Variants in CLCA4 observed in about 807,000 individuals in gnomAD.
The protein encoded by CLCA4 is chloride channel accessory 4.
Under a neutral mutation model 78.9 loss-of-function variants are expected in CLCA4, and 69 were observed. That is an observed-to-expected ratio of 0.87 (90% CI 0.72 to 1.07). The LOEUF (loss-of-function observed/expected upper bound fraction) is 1.07, where lower values mean the gene tolerates loss of function less well. Among genes scored for constraint, CLCA4 ranks in the 50% least tolerant of loss-of-function variants. The pLI, the probability that CLCA4 is intolerant of heterozygous loss-of-function variation, is 0.00. For missense variants in CLCA4, 1,133 were observed against 1,095.8 expected, an observed-to-expected ratio of 1.03 and a Z score of -0.48; for synonymous variants, 362 against 375.8, an observed-to-expected ratio of 0.96 and a Z score of 0.42.
intron 1 of CLCA4, chr1:86,552,850 A>G: frequency 1.3e-6 from 1 of 772,928 alleles, no homozygotes; most frequent in Non-Finnish European, 2.3e-6. Flanking sequence ...CGTTTCATAT[A>G]TATCTGATCG....
At chr1:86,569,670 T>C (rs1428065694) in intron 7 of CLCA4, among the ~76,000 whole-genome samples, 1 of 151,990 alleles carries the variant, frequency 6.6e-6, no homozygotes, top group African/African-American at 2.4e-5. Flanking sequence ...TTCAGTAAAC[T>C]GTAACACTAC....
Position 86,565,318 on chromosome 1 carries a change from A to T in CLCA4, c.602A>T (p.Gln201Leu), listed in dbSNP as rs1187386998. 4 of 1,609,460 alleles carry T rather than the reference A, an allele frequency of 2.5e-6. No individual in the cohort carries two copies. The change falls in exon 5 of 14, where the codon CAA (glutamine) becomes CTA (leucine). Residue 201 changes from glutamine to leucine, a missense_variant. Gln to Leu is a moderately radical substitution (Grantham distance 113). Coordinates refer to ENST00000370563, the MANE Select transcript of CLCA4 (RefSeq NM_012128.4). Reference protein sequence around the residue: ...ISGRNRVYKCQGGSCLSRACR... With the variant: ...ISGRNRVYKCLGGSCLSRACR... ...GGTAGAAATAGAGTTTATAAGTGTC[A>T]AGGAGGCAGCTGTCTTAGTAGAGCA... is the stretch of plus-strand genomic sequence containing the variant.
In CLCA4 at chr1:86,565,382, T is replaced by C; in HGVS notation, c.666T>C (p.Asp222=). Reference sequence around the variant, plus strand: ...CTACAACAAAACTGTATGGAAAAGATTGTCAATTCTTTCCTGATAAAGTAC... The same window carrying C: ...CTACAACAAAACTGTATGGAAAAGACTGTCAATTCTTTCCTGATAAAGTAC... The part of the protein sequence containing the change: ...IDSTTKLYGK[D]CQFFPDKVQT... The change falls in exon 5 of 14, where the codon GAT becomes GAC. Residue 222 remains aspartate, a synonymous_variant. Transcript: ENST00000370563. 6.2e-7 allele frequency: 1 copy of C among 1,608,898 alleles called. No homozygotes were observed. The highest frequency in any genetic ancestry group is 8.5e-7 in the Non-Finnish European group (1 of 1,176,096).
chr1:86,569,885 T>G (rs552690610), intron 7 of CLCA4, among the ~76,000 whole-genome samples: 1 of 152,090 alleles, frequency 6.6e-6, no homozygotes, highest in African/African-American at 2.4e-5. Flanking sequence ...TTGTAAATGC[T>G]TGGTAAATAA....
In CLCA4 at chr1:86,579,532, G is replaced by A; in HGVS notation, c.2301G>A (p.Glu767=). ...QITDLDATVH[E]DKIILTWTAP... Reference sequence around the variant, plus strand: ...CAGACCTTGATGCCACAGTTCATGAGGATAAGATTATTCTTACATGGACAG... The same window carrying A: ...CAGACCTTGATGCCACAGTTCATGAAGATAAGATTATTCTTACATGGACAG... Residue 767 remains glutamate (E), a synonymous_variant, in exon 13 of 14, where the codon GAG becomes GAA. Coordinates refer to ENST00000370563, the MANE Select transcript of CLCA4 (RefSeq NM_012128.4). 6.2e-7 allele frequency: 1 copy of A among 1,613,068 alleles called. No individual in the cohort carries two copies. The highest frequency in any genetic ancestry group is 8.5e-7 in the Non-Finnish European group (1 of 1,179,364).
chr1:86,548,975 T>C (rs1334920317), intron 1 of CLCA4, among the ~76,000 whole-genome samples: 1 of 152,188 alleles, frequency 6.6e-6, no homozygotes, highest in Non-Finnish European at 1.5e-5. Flanking sequence ...AAAGAATTCT[T>C]TGTTGAATGT....
At position 86,572,616 on chromosome 1, in the gene CLCA4, G is replaced by A; in HGVS notation, c.1363G>A (p.Gly455Arg). The change falls in exon 9 of 14, where the codon GGA (glycine) becomes AGA (arginine). Residue 455 changes from glycine (G) to arginine (R), a missense_variant and splice_region_variant. Transcript: ENST00000370563. ...AVIEMSKITG[G>R]SHFYVSDEAQ... ...TAATTAATGCATTTACATTTTAGGA[G>A]GAAGTCATTTTTATGTTTCAGATGA... The A allele has an allele frequency of 2.5e-6, 4 of 1,578,182 alleles. No individual in the cohort carries two copies. Among genetic ancestry groups the A allele is most frequent in the East Asian group, 4.5e-5 (2 of 44,580 alleles).
intron 11 of CLCA4, among the ~76,000 whole-genome samples, chr1:86,576,337 A>T (rs928990963): frequency 7.9e-5 from 12 of 151,506 alleles, no homozygotes; most frequent in Admixed American, 3.9e-4. Flanking sequence ...TAATCTTTAA[A>T]TTTTTTTTGT....
At chr1:86,567,303 A>G in intron 6 of CLCA4, 121 bp from the exon 7 acceptor site, 1 of 859,620 alleles carries the variant, frequency 1.2e-6, no homozygotes, top group Admixed American at 3.0e-5. Context: ...GCTTCCTTTA[A>G]CAACATCAAT....
Position 86,572,684 on chromosome 1 carries a change from A to G in CLCA4, c.1431A>G (p.Thr477=), listed in dbSNP as rs1281312794. 4 of 1,606,624 alleles carry G rather than the reference A, an allele frequency of 2.5e-6. No individual in the cohort carries two copies. Among genetic ancestry groups the G allele is most frequent in the Non-Finnish European group, 3.4e-6 (4 of 1,173,566 alleles). ...NGLIDAFGAL[T]SGNTDLSQKS... The stretch of plus-strand genomic sequence containing the variant: ...TCATTGATGCTTTTGGGGCTCTTAC[A>G]TCAGGAAATACTGATCTCTCCCAGA... The change falls in exon 9 of 14, where the codon ACA becomes ACG. Residue 477 remains threonine (T), a synonymous_variant. Transcript: ENST00000370563.
Position 86,574,725 on chromosome 1 carries a change from G to A in CLCA4, c.1653G>A (p.Met551Ile). Residue 551 changes from methionine (M) to isoleucine (I), a missense_variant, in exon 10 of 14, where the codon ATG (methionine) becomes ATA (isoleucine). By Grantham distance (10) the Met-to-Ile change is conservative (BLOSUM62 1). Coordinates refer to ENST00000370563, the MANE Select transcript of CLCA4 (RefSeq NM_012128.4). ...ENFTVDATSKMAYLSIPGTAK... is the reference protein window; with the variant it reads ...ENFTVDATSKIAYLSIPGTAK... The stretch of plus-strand genomic sequence containing the variant: ...TCACAGTGGATGCAACTTCCAAAAT[G>A]GCCTATCTCAGTATTCCAGGAACTG... 6.2e-7 allele frequency: 1 copy of A among 1,613,048 alleles called. No homozygotes were observed. The highest frequency in any genetic ancestry group is 8.5e-7 in the Non-Finnish European group (1 of 1,179,420).
intron 7 of CLCA4, among the ~76,000 whole-genome samples, chr1:86,570,464 A>G (rs148755438): frequency 3.5e-4 from 53 of 152,184 alleles, no homozygotes; most frequent in African/African-American, 7.2e-4. Context: ...AATAAGTATA[A>G]TTTTAATATA....
At chr1:86,557,811 G>A (rs1570322316) in intron 1 of CLCA4, among the ~76,000 whole-genome samples, 2 of 152,070 alleles carry the variant, frequency 1.3e-5, no homozygotes, top group East Asian at 1.9e-4. Context: ...ATTATTGAGT[G>A]GGAGTCTATG....
chr1:86,556,181 G>A (rs185373688), intron 1 of CLCA4, among the ~76,000 whole-genome samples: 3 of 152,220 alleles, frequency 2.0e-5, no homozygotes, highest in Admixed American at 2.0e-4. Flanking sequence ...CTTCCTATTT[G>A]GATGCCCTTT....
intron 7 of CLCA4, among the ~76,000 whole-genome samples, chr1:86,569,077 C>A: frequency 6.6e-6 from 1 of 151,974 alleles, no homozygotes; most frequent in East Asian, 1.9e-4. Context: ...CCAAGCAAAG[C>A]TTTTTCACTC....
At chr1:86,564,790 A>G (rs1315557400) in intron 4 of CLCA4, among the ~76,000 whole-genome samples, 2 of 152,084 alleles carry the variant, frequency 1.3e-5, no homozygotes, top group African/African-American at 2.4e-5. Context: ...TTCGCTTCCA[A>G]TCACATTTCC....
At chr1:86,561,074 A>G (rs1650002738) in intron 3 of CLCA4, among the ~76,000 whole-genome samples, 1 of 152,168 alleles carries the variant, frequency 6.6e-6, no homozygotes, top group Non-Finnish European at 1.5e-5. Context: ...TGTTCATTGA[A>G]CACTCGTTAA....
In CLCA4 at chr1:86,565,890, T is replaced by A. The variant is rs1166285384; in HGVS notation, c.824T>A (p.Val275Glu). The change falls in exon 6 of 14, where the codon GTG becomes GAG. Residue 275 changes from valine to glutamate, a missense_variant. Physicochemically the swap from Val to Glu is moderately radical, Grantham distance 121 (BLOSUM62 -2). Transcript: ENST00000370563. ...TGCAATTTTAGAAGTACATGGGAGGTGATTAGCAATTCTGAGGATTTTAAA... is the reference window on the plus strand; with the variant it reads ...TGCAATTTTAGAAGTACATGGGAGGAGATTAGCAATTCTGAGGATTTTAAA... ...IKCNFRSTWEVISNSEDFKNT... is the reference protein window; with the variant it reads ...IKCNFRSTWEEISNSEDFKNT... 6.2e-7 allele frequency: 1 copy of A among 1,610,970 alleles called. No homozygotes were observed. Among genetic ancestry groups the A allele is most frequent in the African/African-American group, 1.3e-5 (1 of 74,774 alleles).
At position 86,565,306 on chromosome 1, in the gene CLCA4, T is replaced by A; in HGVS notation, c.590T>A (p.Val197Asp). The A allele has an allele frequency of 6.2e-7, 1 of 1,606,732 alleles. No homozygotes were observed. Among genetic ancestry groups the A allele is most frequent in the Non-Finnish European group, 8.5e-7 (1 of 1,176,904 alleles). Reference protein sequence around the residue: ...CSAGISGRNRVYKCQGGSCLS... With the variant: ...CSAGISGRNRDYKCQGGSCLS... ...GCAGGTATCTCTGGTAGAAATAGAGTTTATAAGTGTCAAGGAGGCAGCTGT... is the reference window on the plus strand; with the variant it reads ...GCAGGTATCTCTGGTAGAAATAGAGATTATAAGTGTCAAGGAGGCAGCTGT... The change falls in exon 5 of 14, where the codon GTT becomes GAT. Residue 197 changes from valine (V) to aspartate (D), a missense_variant. Coordinates refer to ENST00000370563, the MANE Select transcript of CLCA4 (RefSeq NM_012128.4).
Sources: allele counts gnomAD v4.1 joint callset (sites outside exome capture counted in the v4.1 genomes callset), GRCh38; gene constraint gnomAD v4.1.1; transcripts MANE v1.5; gene names NCBI Gene and HGNC (gene_info 2026-07-23, HGNC 2026-07-21).